Variants in ASB5 observed in about 807,000 individuals in gnomAD.
The protein encoded by ASB5 is ankyrin repeat and SOCS box protein 5.
Under a neutral mutation model 42.1 loss-of-function variants are expected in ASB5, and 45 were observed. That is an observed-to-expected ratio of 1.07 (90% CI 0.84 to 1.37). The LOEUF is 1.37. Among genes scored for constraint, ASB5 ranks in the 40% most tolerant of loss-of-function variants. The pLI, the probability that ASB5 is intolerant of heterozygous loss-of-function variation, is 0.00. For missense variants in ASB5, 402 were observed against 399.8 expected, an observed-to-expected ratio of 1.01 and a Z score of -0.05; for synonymous variants, 147 against 150.6, an observed-to-expected ratio of 0.98 and a Z score of 0.18.
At chr4:176,225,428 A>C in intron 1 of ASB5, 87 bp from the exon 2 acceptor site, 11 of 1,120,812 alleles carry the variant, frequency 9.8e-6, no homozygotes, top group Non-Finnish European at 1.5e-5. Flanking sequence ...TACCAAGATC[A>C]CATAAATTAT....
chr4:176,224,936 T>C (rs545693091), intron 2 of ASB5, among the ~76,000 whole-genome samples: 26 of 152,240 alleles, frequency 1.7e-4, no homozygotes, highest in Non-Finnish European at 3.4e-4. Flanking sequence ...AAGTCTGTAA[T>C]TAGCTGCACA....
chr4:176,241,777 ATTTATTGTATAAAGGTTGCTGG>A, intron 1 of ASB5: 1 of 765,192 alleles, frequency 1.3e-6, no homozygotes, highest in Non-Finnish European at 1.8e-6. Context: ...AAGGTCATTC[ATTTATTGTATAAAGGTTGCTGG>A]GAAACTACAG....
chr4:176,241,472 C>T (rs1753810608), intron 1 of ASB5: 2 of 1,535,190 alleles, frequency 1.3e-6, no homozygotes, highest in African/African-American at 1.4e-5. Context: ...CTGTTACTGC[C>T]AAATTTCCAC....
At chr4:176,216,658 T>C (rs1194494643) in intron 6 of ASB5, among the ~76,000 whole-genome samples, 160 bp downstream of exon 6, 1 of 152,208 alleles carries the variant, frequency 6.6e-6, no homozygotes, top group Non-Finnish European at 1.5e-5. Context: ...TGATATCTTC[T>C]TTATAGATAA....
At chr4:176,244,874 G>T (rs1346623672) in intron 1 of ASB5, among the ~76,000 whole-genome samples, 1 of 152,034 alleles carries the variant, frequency 6.6e-6, no homozygotes, top group Non-Finnish European at 1.5e-5. Context: ...AAGTGGGGAG[G>T]ATCACTTGAG....
At chr4:176,221,848 C>A (rs1350420342) in intron 3 of ASB5, among the ~76,000 whole-genome samples, 3 of 151,942 alleles carry the variant, frequency 2.0e-5, no homozygotes, top group Admixed American at 2.0e-4. Flanking sequence ...AAAATGCATG[C>A]TCAAATGGCA....
chr4:176,256,213 A>T (rs376497475), intron 1 of ASB5, among the ~76,000 whole-genome samples: 1 of 152,232 alleles, frequency 6.6e-6, no homozygotes, highest in African/African-American at 2.4e-5. Flanking sequence ...ACCTGCCTAC[A>T]TCACATAGGA....
chr4:176,219,552 T>C (rs1200257028), intron 5 of ASB5, among the ~76,000 whole-genome samples: 1 of 69,112 alleles, frequency 1.4e-5, no homozygotes, highest in African/African-American at 4.8e-5. Flanking sequence ...ATGTATGATA[T>C]ATAAATATGT....
chr4:176,242,040 C>T (rs2126963894), intron 1 of ASB5, among the ~76,000 whole-genome samples: 1 of 152,300 alleles, frequency 6.6e-6, no homozygotes, highest in South Asian at 2.1e-4. Flanking sequence ...CAAGCTTTAC[C>T]TCCGCATGTT....
At chr4:176,263,595 C>T (rs1754303660) in intron 1 of ASB5, among the ~76,000 whole-genome samples, 1 of 152,034 alleles carries the variant, frequency 6.6e-6, no homozygotes. Context: ...TGGAGTTGTT[C>T]CACCTACGTA....
At chr4:176,240,013 C>T (rs183400158) in intron 1 of ASB5, among the ~76,000 whole-genome samples, 7 of 152,200 alleles carry the variant, frequency 4.6e-5, no homozygotes, top group Non-Finnish European at 4.4e-5. Context: ...TGTATGGATT[C>T]ATAAAAAGAA....
chr4:176,238,272 A>G (rs1274502292), intron 1 of ASB5, among the ~76,000 whole-genome samples: 1 of 151,610 alleles, frequency 6.6e-6, no homozygotes, highest in South Asian at 2.1e-4. Flanking sequence ...TTCATTTTGC[A>G]AGGATCTAAG....
At chr4:176,237,378 G>C (rs1753712165) in intron 1 of ASB5, 1 of 985,702 alleles carries the variant, frequency 1.0e-6, no homozygotes, top group African/African-American at 1.7e-5. Flanking sequence ...GTGAGGACCT[G>C]CTTAATGCAG....
chr4:176,241,554 A>G, intron 1 of ASB5: 1 of 1,525,192 alleles, frequency 6.6e-7, no homozygotes. Flanking sequence ...GTTTCTTTAC[A>G]AGGCCGTGCC....
chr4:176,253,859 AG>A (rs911776327), intron 1 of ASB5, among the ~76,000 whole-genome samples: 47 of 152,208 alleles, frequency 3.1e-4, no homozygotes, highest in African/African-American at 1.1e-3. Flanking sequence ...TCTAACCCAG[AG>A]GGTGAAAGAT....
chr4:176,219,484 ATATATATATT>A, intron 5 of ASB5, among the ~76,000 whole-genome samples: 1 of 56,842 alleles, frequency 1.8e-5, no homozygotes, highest in Non-Finnish European at 3.9e-5. Flanking sequence ...TGATATATAA[ATATATATATT>A]TGTATGATAT....
At chr4:176,242,012 G>T (rs1376583883) in intron 1 of ASB5, among the ~76,000 whole-genome samples, 1 of 152,182 alleles carries the variant, frequency 6.6e-6, no homozygotes, top group Non-Finnish European at 1.5e-5. Flanking sequence ...CAAAGGGGAA[G>T]ATCCGGTGAC....
chr4:176,274,875 C>T (rs1008807883), intron 2 of ASB5, among the ~76,000 whole-genome samples: 4 of 151,672 alleles, frequency 2.6e-5, no homozygotes, highest in Non-Finnish European at 5.9e-5. Flanking sequence ...TGAAATGATA[C>T]CACAGTGATC....
upstream of ASB5, among the ~76,000 whole-genome samples, chr4:176,270,422 G>C (rs1307378821): frequency 2.0e-5 from 3 of 152,000 alleles, no homozygotes; most frequent in East Asian, 5.8e-4. Flanking sequence ...TTAACTGACT[G>C]GACAGATTTA....
Sources: gnomAD v4.1 joint callset for allele counts (sites outside exome capture counted in the v4.1 genomes callset) on GRCh38, gnomAD v4.1.1 for gene constraint, MANE v1.5 for transcripts, NCBI Gene and HGNC (gene_info 2026-07-23, HGNC 2026-07-21) for gene names.